Variants in PALB2 observed in about 807,000 individuals in gnomAD.
The protein encoded by PALB2 is partner and localizer of BRCA2, also known as mutant partner and localizer of BRCA2.
In PALB2, 82 loss-of-function variants were observed where a neutral mutation model predicts 107.4. The observed-to-expected ratio is 0.76, with a 90% CI of 0.64 to 0.92. The LOEUF (loss-of-function observed/expected upper bound fraction) is 0.92, where lower values mean the gene tolerates loss of function less well. Ranked by LOEUF, PALB2 falls within the 40% of genes least tolerant of loss-of-function variation. The pLI is 0.00. For missense variants in PALB2, 1,374 were observed against 1,379.9 expected, an observed-to-expected ratio of 1.00 and a Z score of 0.07; for synonymous variants, 489 against 496.8, an observed-to-expected ratio of 0.98 and a Z score of 0.21.
In PALB2 at chr16:23,641,154, C is replaced by A. The variant is rs1224301730; in HGVS notation, c.4G>T (p.Asp2Tyr). The change falls in exon 1 of 13, where the codon GAC (aspartate) becomes TAC (tyrosine). Residue 2 changes from aspartate to tyrosine, a missense_variant. Physicochemically the swap from Asp to Tyr is radical, Grantham distance 160 (BLOSUM62 -3). Coordinates refer to ENST00000261584, the MANE Select transcript of PALB2 (RefSeq NM_024675.4). ...CTGAGGGGCTTCCCGGGAGGCTCGT[C>A]CATCGGGCAGGCGACAGAACGAAAA... M[D>Y]EPPGKPLSCE... 6.2e-7 allele frequency: 1 copy of A among 1,612,900 alleles called. No homozygotes were observed. The highest frequency in any genetic ancestry group is 8.5e-7 in the Non-Finnish European group (1 of 1,179,802).
At chr16:23,632,821 T>C (rs1200702057) in intron 4 of PALB2, among the ~76,000 whole-genome samples, 1 of 152,204 alleles carries the variant, frequency 6.6e-6, no homozygotes, top group Non-Finnish European at 1.5e-5. Context: ...TGGCTGGGCC[T>C]GGTGGCTCAC....
intron 11 of PALB2, among the ~76,000 whole-genome samples, chr16:23,612,788 T>G (rs1242892255): frequency 1.3e-5 from 2 of 152,060 alleles, no homozygotes; most frequent in Non-Finnish European, 2.9e-5. Context: ...AGTCTCGCTC[T>G]GTCGCCCAGG....
chr16:23,629,482 C>T (rs1344569410), intron 5 of PALB2, among the ~76,000 whole-genome samples, 158 bp downstream of exon 5: 1 of 152,202 alleles, frequency 6.6e-6, no homozygotes, highest in African/African-American at 2.4e-5. Flanking sequence ...TTAATTTCCC[C>T]AGAATGAACT....
intron 9 of PALB2, among the ~76,000 whole-genome samples, chr16:23,622,431 GC>G (rs1285196791): frequency 1.3e-5 from 2 of 151,996 alleles, no homozygotes; most frequent in African/African-American, 4.8e-5. Flanking sequence ...GTCTCGCTCT[GC>G]TGCCCAAGAT....
At chr16:23,623,279 C>T (rs1966809100) in intron 8 of PALB2, 149 bp from the exon 9 acceptor site, 1 of 701,456 alleles carries the variant, frequency 1.4e-6, no homozygotes. Context: ...TCTTGGCTCA[C>T]TGCAACTCTG....
rs149620233 is a variant in PALB2, at chr16:23,611,546, C to T, written c.3201+2458G>A. Reference sequence around the variant, plus strand: ...CACTCTCGGCTCACTACAACCTCTGCCCCCTGGGTTCAAGCAATTCTCCTG... The same window carrying T: ...CACTCTCGGCTCACTACAACCTCTGTCCCCTGGGTTCAAGCAATTCTCCTG... On this transcript the variant is annotated intron_variant, in intron 11 of 12. Coordinates refer to ENST00000261584, the MANE Select transcript of PALB2 (RefSeq NM_024675.4). 9.9e-4 allele frequency among the ~76,000 whole-genome samples: 150 copies of T among 151,996 alleles called. 1 individual carries two copies. Among genetic ancestry groups the T allele is most frequent in the African/African-American group, 3.2e-3 (134 of 41,464 alleles).
Position 23,603,300 on chromosome 16 carries a change from A to G in PALB2, c.*159T>C, listed in dbSNP as rs1966391224. On this transcript the variant is annotated 3_prime_UTR_variant, in exon 13 of 13. Transcript: ENST00000261584. ...TATACATAAATGTACATCCAAGATC[A>G]GTGGTGCTACCATCATTAGAATAAA... The G allele has an allele frequency of 1.6e-6, 1 of 636,958 alleles. No homozygotes were observed. The highest frequency in any genetic ancestry group is 2.7e-6 in the Non-Finnish European group (1 of 364,984). 39.5% of individuals were successfully genotyped at this position (636,958 alleles called of 1,614,324 possible).
chr16:23,618,248 A>ATGAGTGAGT (rs2142314942), intron 10 of PALB2, among the ~76,000 whole-genome samples: 1 of 152,280 alleles, frequency 6.6e-6, no homozygotes, highest in African/African-American at 2.4e-5. Context: ...GCAGTGAGCT[A>ATGAGTGAGT]CCTCAAAATG....
chr16:23,626,514 G>A (rs2142357924), intron 6 of PALB2, 117 bp from the exon 7 acceptor site: 3 of 1,234,236 alleles, frequency 2.4e-6, no homozygotes, highest in Non-Finnish European at 3.5e-6. Flanking sequence ...TAAAATTTAA[G>A]TCTTATGCAG....
At chr16:23,640,161 G>T (rs184917993) in intron 1 of PALB2, 10 of 171,034 alleles carry the variant, frequency 5.8e-5, no homozygotes, top group African/African-American at 2.4e-4. Context: ...AAAGTGCGGG[G>T]ATTACAGGCG....
chr16:23,623,957 TGACAGA>T (rs2142342182), intron 8 of PALB2, 46 bp downstream of exon 8: 2 of 1,286,294 alleles, frequency 1.6e-6, no homozygotes, highest in South Asian at 1.2e-5. Context: ...TAAAACCAGC[TGACAGA>T]GACAAAGATG....
At chr16:23,640,456 A>G in intron 1 of PALB2, 1 of 203,058 alleles carries the variant, frequency 4.9e-6, no homozygotes, top group Non-Finnish European at 1.0e-5. Flanking sequence ...GTGAGCCGAG[A>G]TCGCGCCACT....
Position 23,635,828 on chromosome 16 carries a change from G to T in PALB2, c.718C>A (p.Pro240Thr), listed in dbSNP as rs757567654. 10 of 1,614,126 alleles carry T rather than the reference G, an allele frequency of 6.2e-6. No individual in the cohort carries two copies. The East Asian group carries it at 2.2e-4, about 36-fold the overall frequency. ...EKGVDTFLRR[P>T]NFTRATTVPL... The stretch of plus-strand genomic sequence containing the variant: ...ACTGTAGTCGCCCTGGTGAAATTAG[G>T]TCTTCTTAGGAATGTATCAACACCT... The change falls in exon 4 of 13, where the codon CCT (proline) becomes ACT (threonine). Residue 240 changes from proline to threonine, a missense_variant. Coordinates refer to ENST00000261584, the MANE Select transcript of PALB2 (RefSeq NM_024675.4).
At chr16:23,618,440 G>T (rs1966720265) in intron 10 of PALB2, among the ~76,000 whole-genome samples, 2 of 152,208 alleles carry the variant, frequency 1.3e-5, no homozygotes, top group South Asian at 4.1e-4. Context: ...GAGGACGGCA[G>T]AGCTGGAGAG....
At chr16:23,638,851 G>A (rs143824335) in intron 1 of PALB2, among the ~76,000 whole-genome samples, 29 of 152,272 alleles carry the variant, frequency 1.9e-4, no homozygotes, top group African/African-American at 6.5e-4. Context: ...GAAGGAGCTA[G>A]TTTTGGGAAG....
At chr16:23,620,825 C>A (rs1479839352) in intron 10 of PALB2, among the ~76,000 whole-genome samples, 1 of 152,216 alleles carries the variant, frequency 6.6e-6, no homozygotes, top group African/African-American at 2.4e-5. Flanking sequence ...GTAATCCCAG[C>A]AATTTGGGAG....
At position 23,624,033 on chromosome 16, in the gene PALB2, C is replaced by T. The variant is rs786202641; in HGVS notation, c.2810G>A (p.Gly937Glu). Residue 937 changes from glycine (G) to glutamate (E), a missense_variant, in exon 8 of 13, where the codon GGA becomes GAA. Transcript: ENST00000261584. The stretch of plus-strand genomic sequence containing the variant: ...CCTGATCTCTCTGATTTCCAAATTT[C>T]CCAAAGCTACACACACGAGATTATA... ...DVYNLVCVAL[G>E]NLEIREIRAL... is the part of the protein sequence containing the mutation. The T allele has an allele frequency of 1.2e-6, 2 of 1,602,316 alleles. No homozygotes were observed. The highest frequency in any genetic ancestry group is 2.7e-5 in the African/African-American group (2 of 74,712).
chr16:23,626,796 A>T (rs758403282), intron 6 of PALB2, among the ~76,000 whole-genome samples: 13 of 151,746 alleles, frequency 8.6e-5, no homozygotes, highest in African/African-American at 1.2e-4. Flanking sequence ...TAATTTTTGT[A>T]TTTTTAGTAG....
rs61755166 is a variant in PALB2, at chr16:23,623,084, G to T, written c.2881C>A (p.Leu961Met). The part of the protein sequence containing the change: ...SDDESEKQVL[L>M]KSGNIKAVLG... ...ACAGCTTTTATATTTCCAGACTTCA[G>T]TAGTACTTGCTTTTCACTTTCATCA... is the stretch of plus-strand genomic sequence containing the variant. Residue 961 changes from leucine to methionine, a missense_variant, in exon 9 of 13, where the codon CTG becomes ATG. Physicochemically the swap from Leu to Met is conservative, Grantham distance 15. Coordinates refer to ENST00000261584, the MANE Select transcript of PALB2 (RefSeq NM_024675.4). The T allele has an allele frequency of 1.9e-6, 3 of 1,613,754 alleles. No individual in the cohort carries two copies. Among genetic ancestry groups the T allele is most frequent in the Non-Finnish European group, 2.5e-6 (3 of 1,179,902 alleles).
Sources: gnomAD v4.1 joint callset for allele counts (sites outside exome capture counted in the v4.1 genomes callset) on GRCh38, gnomAD v4.1.1 for gene constraint, MANE v1.5 for transcripts, NCBI Gene and HGNC (gene_info 2026-07-23, HGNC 2026-07-21) for gene names.